CREB3L2: variants seen among roughly 807,000 people sequenced by gnomAD.
CREB3L2 encodes the protein cAMP responsive element binding protein 3 like 2.
Under a neutral mutation model 57.2 loss-of-function variants are expected in CREB3L2, and 23 were observed. That is an observed-to-expected ratio of 0.40 (90% CI 0.29 to 0.57). The LOEUF (loss-of-function observed/expected upper bound fraction) is 0.57. Ranked by LOEUF, CREB3L2 falls within the 20% of genes least tolerant of loss-of-function variation. CREB3L2 has a pLI of 0.42. For synonymous variants in CREB3L2, 268 were observed against 265.1 expected, an observed-to-expected ratio of 1.01 and a Z score of -0.11; for missense variants, 628 against 634.7, an observed-to-expected ratio of 0.99 and a Z score of 0.11.
intron 1 of CREB3L2, among the ~76,000 whole-genome samples, chr7:137,948,089 C>T (rs969518197): frequency 6.6e-6 from 1 of 152,184 alleles, no homozygotes; most frequent in East Asian, 1.9e-4. Context: ...GATCTAATAT[C>T]GAGGACCTCA....
chr7:137,905,007 G>A (rs1000839511), intron 6 of CREB3L2, among the ~76,000 whole-genome samples: 1 of 151,956 alleles, frequency 6.6e-6, no homozygotes, highest in Non-Finnish European at 1.5e-5. Context: ...CAGCTGGCTT[G>A]GTCATACATC....
chr7:137,903,834 A>C, intron 7 of CREB3L2, 125 bp downstream of exon 7: 1 of 799,030 alleles, frequency 1.3e-6, no homozygotes, highest in Non-Finnish European at 2.1e-6. Flanking sequence ...ACCACAGCTG[A>C]TAAACCACCG....
rs140993010 is a variant in CREB3L2, at chr7:137,914,605, T to G, written c.495+1232A>C. The stretch of plus-strand genomic sequence containing the variant: ...GACATCATGCCACTGCACTCCAGCT[T>G]GGGTGACAGAATGAGACTTCTGTTT... On this transcript the variant is annotated intron_variant, in intron 3 of 11. Coordinates refer to ENST00000330387, the MANE Select transcript of CREB3L2 (RefSeq NM_194071.4). Among the ~76,000 whole-genome samples the G allele has an allele frequency of 9.9e-3, 1,503 of 152,142 alleles. 20 individuals are homozygous for G. Among genetic ancestry groups the G allele is most frequent in the Middle Eastern group, 0.037 (11 of 294 alleles).
chr7:137,955,872 C>T (rs1302699808), intron 1 of CREB3L2, among the ~76,000 whole-genome samples: 1 of 152,112 alleles, frequency 6.6e-6, no homozygotes, highest in Admixed American at 6.5e-5. Flanking sequence ...CAAAAAATTA[C>T]AACCTAAGGC....
rs901107760 is a variant in CREB3L2, at chr7:138,001,795, C to T, written c.-90G>A. 5 of 833,266 alleles carry T rather than the reference C, an allele frequency of 6.0e-6. No individual in the cohort carries two copies. The allele number at this position is 833,266 out of a possible 1,614,324, so 51.6% of individuals were successfully genotyped here. On this transcript the variant is annotated 5_prime_UTR_variant, in exon 1 of 12. Transcript: ENST00000330387. This position sits in a 1 kb window ranked among gnomAD's most constrained non-coding sequence, Gnocchi z 4.2. ...GACCGGCAAGGTTCCTCTCTCTCCG[C>T]GTGTGCTTGCGTGTGTGCGCGCGCG... is the stretch of plus-strand genomic sequence containing the variant.
At chr7:137,998,160 C>T (rs1044135590) in intron 1 of CREB3L2, among the ~76,000 whole-genome samples, 4 of 152,128 alleles carry the variant, frequency 2.6e-5, no homozygotes, top group Non-Finnish European at 4.4e-5. Flanking sequence ...TGCCTTTGTC[C>T]TTGTAGACCA....
At chr7:137,993,187 G>C (rs973432231) in intron 1 of CREB3L2, among the ~76,000 whole-genome samples, 3 of 152,194 alleles carry the variant, frequency 2.0e-5, no homozygotes, top group African/African-American at 4.8e-5. Flanking sequence ...TTTGACTTAG[G>C]GGATAGGTTG....
intron 1 of CREB3L2, chr7:137,935,962 A>C (rs1016926525): frequency 1.0e-6 from 1 of 981,344 alleles, no homozygotes; most frequent in East Asian, 1.1e-4. Flanking sequence ...GATCTGGGCC[A>C]CTTCCTGCTG....
At chr7:137,899,674 T>C (rs1331457632) in intron 8 of CREB3L2, among the ~76,000 whole-genome samples, 12 of 152,226 alleles carry the variant, frequency 7.9e-5, no homozygotes, top group Non-Finnish European at 1.5e-5. Flanking sequence ...CACACTAAGT[T>C]GGTGGCACTT....
chr7:137,902,194 CAAAA>C (rs58506555), intron 7 of CREB3L2, among the ~76,000 whole-genome samples: 2 of 84,948 alleles, frequency 2.4e-5, no homozygotes, highest in East Asian at 3.7e-4. Context: ...ACTCTGTCTC[CAAAA>C]AAAAAAAAAA....
chr7:137,962,579 T>G (rs1053241680), intron 1 of CREB3L2, among the ~76,000 whole-genome samples: 4 of 151,922 alleles, frequency 2.6e-5, no homozygotes, highest in African/African-American at 9.7e-5. Context: ...GCCCCCAGAC[T>G]CAAATATCAC....
chr7:137,959,351 A>AC (rs1406203368), intron 1 of CREB3L2, among the ~76,000 whole-genome samples: 1 of 151,914 alleles, frequency 6.6e-6, no homozygotes, highest in Non-Finnish European at 1.5e-5. Flanking sequence ...GTAATGAGTG[A>AC]CCCCCAAGGT....
intron 8 of CREB3L2, among the ~76,000 whole-genome samples, chr7:137,900,626 C>T (rs2117198194): frequency 1.3e-5 from 2 of 150,982 alleles, no homozygotes; most frequent in African/African-American, 4.9e-5. Flanking sequence ...GAAACCCCAT[C>T]TCTACTAAAA....
At chr7:137,920,479 C>A (rs1277315207) in intron 2 of CREB3L2, among the ~76,000 whole-genome samples, 1 of 152,118 alleles carries the variant, frequency 6.6e-6, no homozygotes, top group Non-Finnish European at 1.5e-5. Context: ...CTCTGCTGAC[C>A]CCCACACAGA....
chr7:137,904,029 G>C lies in CREB3L2; in HGVS notation c.916-12C>G. 6.2e-7 allele frequency: 1 copy of C among 1,603,614 alleles called. No homozygotes were observed. Among genetic ancestry groups the C allele is most frequent in the Non-Finnish European group, 8.5e-7 (1 of 1,170,382 alleles). ...TCCTGAGCAGAAATCTGAGAGAGAG[G>C]AGTGGGAGGAGAATGATTAATTTCC... On this transcript the variant is annotated splice_polypyrimidine_tract_variant and intron_variant, in intron 6 of 11. Coordinates refer to ENST00000330387, the MANE Select transcript of CREB3L2 (RefSeq NM_194071.4).
At chr7:137,929,730 G>A (rs1047823145) in intron 1 of CREB3L2, among the ~76,000 whole-genome samples, 9 of 149,680 alleles carry the variant, frequency 6.0e-5, no homozygotes, top group Admixed American at 1.3e-4. Context: ...TTAGCTGGGT[G>A]TGGTGGCAGG....
intron 1 of CREB3L2, among the ~76,000 whole-genome samples, chr7:137,970,209 A>G (rs1801483826): frequency 6.6e-6 from 1 of 152,244 alleles, no homozygotes; most frequent in Admixed American, 6.5e-5. Context: ...GTTAAATGTA[A>G]TAAGTCACAG....
chr7:137,884,064 G>A (rs562573593), intron 10 of CREB3L2, among the ~76,000 whole-genome samples: 2 of 152,314 alleles, frequency 1.3e-5, no homozygotes, highest in South Asian at 2.1e-4. Flanking sequence ...GGGGTGCAGT[G>A]GCACGATCTC....
intron 2 of CREB3L2, chr7:137,922,508 A>AT (rs1800354177): frequency 2.8e-5 from 7 of 245,764 alleles, no homozygotes; most frequent in Admixed American, 9.2e-5. Context: ...ACACACACAC[A>AT]ATATATATAT....
Sources: gnomAD v4.1 joint callset for allele counts (sites outside exome capture counted in the v4.1 genomes callset) on GRCh38, gnomAD v4.1.1 for gene constraint, Gnocchi (gnomAD v3.1) non-coding constraint, MANE v1.5 for transcripts, NCBI Gene and HGNC (gene_info 2026-07-23, HGNC 2026-07-21) for gene names.